The following GRM8 variants were observed in gnomAD, a reference collection of about 807,000 sequenced individuals.
The protein encoded by GRM8 is glutamate metabotropic receptor 8.
Under a neutral mutation model 87.2 loss-of-function variants are expected in GRM8, and 47 were observed. The ratio of observed to expected loss-of-function variants is 0.54; its 90% CI spans 0.43 to 0.69. The LOEUF (loss-of-function observed/expected upper bound fraction) is 0.69, where lower values mean the gene tolerates loss of function less well. GRM8 is among the 30% of genes least tolerant of loss of function. The pLI is 0.00. For missense variants in GRM8, 1,019 were observed against 1,139.2 expected, an observed-to-expected ratio of 0.89 and a Z score of 1.52; for synonymous variants, 396 against 404.5, an observed-to-expected ratio of 0.98 and a Z score of 0.25.
At chr7:127,106,004 C>T (rs144411019) in intron 3 of GRM8, among the ~76,000 whole-genome samples, 18 of 152,154 alleles carry the variant, frequency 1.2e-4, no homozygotes, top group South Asian at 6.2e-4. Context: ...AGAATAAAAA[C>T]GCAAAAAGTC....
At chr7:126,690,263 C>T (rs1468495660) in intron 7 of GRM8, among the ~76,000 whole-genome samples, 1 of 152,234 alleles carries the variant, frequency 6.6e-6, no homozygotes, top group Non-Finnish European at 1.5e-5. Context: ...GGTTCCCACG[C>T]ATGCCAAGGG....
intron 8 of GRM8, among the ~76,000 whole-genome samples, chr7:126,576,881 T>C (rs534486416): frequency 6.6e-6 from 1 of 152,314 alleles, no homozygotes; most frequent in East Asian, 1.9e-4. Flanking sequence ...CCATTGACTC[T>C]GTTGTATCCT....
chr7:126,577,364 TA>T (rs1321749828), intron 8 of GRM8, among the ~76,000 whole-genome samples: 1 of 152,180 alleles, frequency 6.6e-6, no homozygotes, highest in African/African-American at 2.4e-5. Context: ...ACTTTAAAAA[TA>T]ATCCATTTAG....
intron 9 of GRM8, among the ~76,000 whole-genome samples, chr7:126,528,351 A>G (rs183385049): frequency 6.6e-6 from 1 of 152,326 alleles, no homozygotes; most frequent in East Asian, 1.9e-4. Context: ...ATTCATTCGA[A>G]TATATTCAGT....
chr7:126,720,717 T>G (rs1043911961), intron 7 of GRM8, among the ~76,000 whole-genome samples: 2 of 152,158 alleles, frequency 1.3e-5, no homozygotes, highest in Non-Finnish European at 2.9e-5. Context: ...TACATGTGGA[T>G]CTCTTATACC....
chr7:126,847,791 A>C (rs906662369), intron 6 of GRM8, among the ~76,000 whole-genome samples: 1 of 152,152 alleles, frequency 6.6e-6, no homozygotes, highest in South Asian at 2.1e-4. Flanking sequence ...AGGGGAGAGA[A>C]TATGGACCTC....
At chr7:126,748,706 C>A (rs1278004711) in intron 7 of GRM8, among the ~76,000 whole-genome samples, 1 of 120,122 alleles carries the variant, frequency 8.3e-6, no homozygotes, top group Admixed American at 9.4e-5. Flanking sequence ...AAAAGAAAAA[C>A]AAAGAGAATT....
chr7:127,104,630 A>T (rs903624124), intron 3 of GRM8, among the ~76,000 whole-genome samples: 2 of 152,192 alleles, frequency 1.3e-5, no homozygotes, highest in African/African-American at 4.8e-5. Flanking sequence ...AGAATGGACA[A>T]CCAATCAAGT....
intron 8 of GRM8, among the ~76,000 whole-genome samples, chr7:126,548,452 A>C (rs1368222283): frequency 6.6e-6 from 1 of 152,228 alleles, no homozygotes; most frequent in Non-Finnish European, 1.5e-5. Context: ...AAGTATTTAA[A>C]CAGATAACTT....
chr7:127,193,124 A>C (rs1168320871), intron 2 of GRM8, among the ~76,000 whole-genome samples: 2 of 152,222 alleles, frequency 1.3e-5, no homozygotes, highest in African/African-American at 4.8e-5. Flanking sequence ...ACCATATTTG[A>C]ATGTCCAGTT....
At chr7:127,211,328 G>C (rs911159756) in intron 2 of GRM8, among the ~76,000 whole-genome samples, 1 of 152,200 alleles carries the variant, frequency 6.6e-6, no homozygotes, top group Non-Finnish European at 1.5e-5. Context: ...TCTGATGTTT[G>C]AGGGCAGGAA....
At chr7:126,447,969 C>T (rs1319364711) in intron 9 of GRM8, among the ~76,000 whole-genome samples, 2 of 151,962 alleles carry the variant, frequency 1.3e-5, no homozygotes, top group South Asian at 2.1e-4. Flanking sequence ...GGGATGTGTA[C>T]GTTTACGGCT....
chr7:126,472,562 A>C (rs116090094), intron 9 of GRM8, among the ~76,000 whole-genome samples: 1,972 of 152,308 alleles, frequency 0.013, 41 homozygotes, highest in African/African-American at 0.046. Flanking sequence ...AGAGCATAAA[A>C]GTTTGAAAAA....
At chr7:126,599,987 T>C (rs938393680) in intron 8 of GRM8, among the ~76,000 whole-genome samples, 7 of 152,146 alleles carry the variant, frequency 4.6e-5, no homozygotes, top group South Asian at 2.1e-4. Flanking sequence ...GAATGGATGC[T>C]TTTTCAATGG....
At chr7:127,236,243 G>C (rs941216168) in intron 2 of GRM8, among the ~76,000 whole-genome samples, 43 of 152,112 alleles carry the variant, frequency 2.8e-4, no homozygotes, top group Admixed American at 2.7e-3. Flanking sequence ...GAAATTTGTA[G>C]GAAAAAGAGA....
At chr7:127,089,486 G>A (rs1823844889) in intron 3 of GRM8, among the ~76,000 whole-genome samples, 1 of 152,216 alleles carries the variant, frequency 6.6e-6, no homozygotes, top group Non-Finnish European at 1.5e-5. Flanking sequence ...CAAGCCTACA[G>A]CTGCTGGTGG....
At chr7:126,728,224 G>A (rs1425540143) in intron 7 of GRM8, among the ~76,000 whole-genome samples, 1 of 152,134 alleles carries the variant, frequency 6.6e-6, no homozygotes, top group Non-Finnish European at 1.5e-5. Flanking sequence ...GCAAATCAAG[G>A]AAGGGAGAAA....
chr7:127,030,575 T>C (rs1435072713), intron 3 of GRM8, among the ~76,000 whole-genome samples: 1 of 152,090 alleles, frequency 6.6e-6, no homozygotes, highest in Non-Finnish European at 1.5e-5. Flanking sequence ...TCTCAGTCTA[T>C]CCTCAGCACC....
chr7:126,557,235 A>G (rs1186731654), intron 8 of GRM8, among the ~76,000 whole-genome samples: 2 of 152,220 alleles, frequency 1.3e-5, no homozygotes, highest in Non-Finnish European at 2.9e-5. Flanking sequence ...GAAATCTTAA[A>G]AGAGAGCAAA....
Sources: allele counts gnomAD v4.1 joint callset (sites outside exome capture counted in the v4.1 genomes callset), GRCh38; gene constraint gnomAD v4.1.1; transcripts MANE v1.5; gene names NCBI Gene and HGNC (gene_info 2026-07-23, HGNC 2026-07-21).